VIP: variants seen among roughly 807,000 people sequenced by gnomAD.
VIP encodes vasoactive intestinal peptide.
VIP carries 18 observed loss-of-function variants against 20.1 expected under a neutral mutation model. That is an observed-to-expected ratio of 0.90 (90% CI 0.62 to 1.33). VIP has a LOEUF of 1.33. Among genes scored for constraint, VIP ranks in the 40% most tolerant of loss-of-function variants. The pLI is 0.00. For synonymous variants in VIP, 70 were observed against 68.1 expected, an observed-to-expected ratio of 1.03 and a Z score of -0.14; for missense variants, 209 against 199.4, an observed-to-expected ratio of 1.05 and a Z score of -0.29.
At chr6:152,753,451 C>A (rs1390445768) in intron 2 of VIP, among the ~76,000 whole-genome samples, 2 of 151,998 alleles carry the variant, frequency 1.3e-5, no homozygotes, top group Admixed American at 1.3e-4. Context: ...AGTCATATTC[C>A]ATATATGCAT....
chr6:152,756,354 T>C lies in VIP; in HGVS notation c.467+89T>C, dbSNP rs576769207. The C allele has an allele frequency of 5.1e-5, 73 of 1,427,276 alleles. No homozygotes were observed. In the East Asian group the frequency reaches 1.6e-3, roughly 32 times the overall value. The allele number at this position is 1,427,276 out of a possible 1,614,324, so 88.4% of individuals were successfully genotyped here. On this transcript the variant is annotated intron_variant, in intron 5 of 6. Transcript: ENST00000367244. ...CATGGAGACCTCTCTATCTCACTTA[T>C]CTAGCTATACTACGTGAAGCAGTGA...
chr6:152,755,341 G>A lies in VIP; in HGVS notation c.303G>A (p.Lys101=), dbSNP rs1157905918. 6.3e-7 allele frequency: 1 copy of A among 1,592,934 alleles called. No individual in the cohort carries two copies. The highest frequency in any genetic ancestry group is 1.3e-5 in the African/African-American group (1 of 74,268). ...SKLLGQLSAK[K]YLESLMGKRV... is the part of the protein sequence containing the mutation. Reference sequence around the variant, plus strand: ...TCTTGGGTCAACTTTCTGCCAAAAAGTACCTTGAGTCTCTTATGGGAAAAC... The same window carrying A: ...TCTTGGGTCAACTTTCTGCCAAAAAATACCTTGAGTCTCTTATGGGAAAAC... The change falls in exon 4 of 7, where the codon AAG becomes AAA. Residue 101 remains lysine (K), a synonymous_variant. Coordinates refer to ENST00000367244, the MANE Select transcript of VIP (RefSeq NM_003381.4).
chr6:152,752,736 G>A (rs927911160), intron 2 of VIP, among the ~76,000 whole-genome samples: 6 of 152,028 alleles, frequency 3.9e-5, no homozygotes, highest in African/African-American at 1.4e-4. Flanking sequence ...ATAAAATCAT[G>A]TTGCACAGAA....
rs370854727 is a variant in VIP at position 152,752,221 on chromosome 6, T to C, written c.44T>C (p.Leu15Pro). 6.2e-7 allele frequency: 1 copy of C among 1,613,588 alleles called. No individual in the cohort carries two copies. The highest frequency in any genetic ancestry group is 1.3e-5 in the African/African-American group (1 of 75,024). Residue 15 changes from leucine to proline, a missense_variant, in exon 2 of 7, where the codon CTT becomes CCT. By Grantham distance (98) the Leu-to-Pro change is moderately conservative (BLOSUM62 -3). Transcript: ENST00000367244. ...NKAQLLVLLTLLSVLFSQTSA... is the reference protein window; with the variant it reads ...NKAQLLVLLTPLSVLFSQTSA... ...GCCCAGCTCCTTGTGCTCCTGACTC[T>C]TCTCAGTGTGCTCTTCTCACAGACT...
At chr6:152,750,995 C>T (rs1190836053) in intron 1 of VIP, 36 bp downstream of exon 1, 19 of 152,146 alleles carry the variant, frequency 1.2e-4, no homozygotes, top group Admixed American at 1.2e-3. Context: ...TTCTTTTTCC[C>T]TCCTGCCTCT....
Position 152,758,312 on chromosome 6 carries a change from T to C in VIP, c.*44-598T>C, listed in dbSNP as rs538410355. ...GGTGTCTGGGAAGATACCTGCTTAATTGACTGCTTTTGTCCACTAATTACC... is the reference window on the plus strand; with the variant it reads ...GGTGTCTGGGAAGATACCTGCTTAACTGACTGCTTTTGTCCACTAATTACC... On this transcript the variant is annotated intron_variant, in intron 6 of 6. Coordinates refer to ENST00000367244, the MANE Select transcript of VIP (RefSeq NM_003381.4). Among the ~76,000 whole-genome samples the C allele has an allele frequency of 9.1e-4, 138 of 152,090 alleles. 3 individuals carry two copies. In the South Asian group the frequency reaches 0.027, roughly 30 times the overall value.
At chr6:152,754,993 T>C (rs577642439) in intron 3 of VIP, among the ~76,000 whole-genome samples, 3 of 152,110 alleles carry the variant, frequency 2.0e-5, no homozygotes, top group Non-Finnish European at 2.9e-5. Flanking sequence ...GAAATAGTTA[T>C]AAAGATTCAA....
In VIP at chr6:152,755,042, G is replaced by C. The variant is rs370571348; in HGVS notation, c.231-227G>C. 2.5e-4 allele frequency among the ~76,000 whole-genome samples: 38 copies of C among 151,938 alleles called. No homozygotes were observed. The South Asian group carries it at 6.6e-3, about 27-fold the overall frequency. ...TTGAAATGTGCTCCTAGAAATGCCT[G>C]TTTCTTTAATTTTTCAGTGTCTTGG... On this transcript the variant is annotated intron_variant, in intron 3 of 6. Coordinates refer to ENST00000367244, the MANE Select transcript of VIP (RefSeq NM_003381.4).
Position 152,755,277 on chromosome 6 carries a change from G to A in VIP, c.239G>A (p.Arg80Lys), listed in dbSNP as rs1432202955. Residue 80 changes from arginine (R) to lysine (K), a missense_variant, in exon 4 of 7, where the codon AGG becomes AAG. By Grantham distance (26) the Arg-to-Lys change is conservative. Coordinates refer to ENST00000367244, the MANE Select transcript of VIP (RefSeq NM_003381.4). ...TPYYDVSRNARHADGVFTSDF... is the reference protein window; with the variant it reads ...TPYYDVSRNAKHADGVFTSDF... ...TTTCTTCCTTGTTTTAGAAATGCCAGGCATGCTGATGGAGTTTTCACCAGT... is the reference window on the plus strand; with the variant it reads ...TTTCTTCCTTGTTTTAGAAATGCCAAGCATGCTGATGGAGTTTTCACCAGT... The A allele has an allele frequency of 3.8e-6, 6 of 1,566,778 alleles. No homozygotes were observed. The highest frequency in any genetic ancestry group is 5.2e-6 in the Non-Finnish European group (6 of 1,158,716).
Position 152,751,313 on chromosome 6 carries a change from C to CTT in VIP, c.-11+362_-11+363dup, listed in dbSNP as rs962804921. Among the ~76,000 whole-genome samples the CTT allele has an allele frequency of 2.2e-4, 33 of 150,830 alleles. No homozygotes were observed. In the Middle Eastern group the frequency reaches 0.01, roughly 47 times the overall value. ...AAATTTTCAACTTATTTTTAAAGTG[C>CTT]TTTTTTTTTCCTATTTCGTATGTTG... On this transcript the variant is annotated intron_variant, in intron 1 of 6. Coordinates refer to ENST00000367244, the MANE Select transcript of VIP (RefSeq NM_003381.4).
intron 3 of VIP, among the ~76,000 whole-genome samples, chr6:152,754,575 G>A (rs540739225): frequency 6.6e-6 from 1 of 152,050 alleles, no homozygotes; most frequent in South Asian, 2.1e-4. Flanking sequence ...TAAAAGTACA[G>A]CATTTAGCAT....
intron 3 of VIP, 53 bp from the exon 4 acceptor site, chr6:152,755,216 A>G (rs2099730242): frequency 8.2e-7 from 1 of 1,214,782 alleles, no homozygotes; most frequent in Admixed American, 2.3e-5. Flanking sequence ...CCATAATAAT[A>G]TTCTAGAAAG....
rs745570874 is a variant in VIP, at chr6:152,755,345, C to T, written c.307C>T (p.Leu103Phe). The T allele has an allele frequency of 1.3e-6, 2 of 1,589,484 alleles. No homozygotes were observed. The highest frequency in any genetic ancestry group is 1.2e-5 in the South Asian group (1 of 85,948). The change falls in exon 4 of 7, where the codon CTT (leucine) becomes TTT (phenylalanine). Residue 103 changes from leucine (L) to phenylalanine (F), a missense_variant. By Grantham distance (22) the Leu-to-Phe change is conservative (BLOSUM62 0). Coordinates refer to ENST00000367244, the MANE Select transcript of VIP (RefSeq NM_003381.4). ...LLGQLSAKKY[L>F]ESLMGKRVSS... ...GGGTCAACTTTCTGCCAAAAAGTACCTTGAGTCTCTTATGGGAAAACGTGT... is the reference window on the plus strand; with the variant it reads ...GGGTCAACTTTCTGCCAAAAAGTACTTTGAGTCTCTTATGGGAAAACGTGT...
At position 152,757,192 on chromosome 6, in the gene VIP, T is replaced by C; in HGVS notation, c.*43+8T>C. On this transcript the variant is annotated splice_region_variant and intron_variant, in intron 6 of 6. Transcript: ENST00000367244. The stretch of plus-strand genomic sequence containing the variant: ...GATGACAACTTCCCAGTGGTGGGTA[T>C]ATTCGTGCATTCCTTCTGTATTCTT... The C allele has an allele frequency of 6.4e-7, 1 of 1,553,476 alleles. No homozygotes were observed. Among genetic ancestry groups the C allele is most frequent in the Non-Finnish European group, 8.9e-7 (1 of 1,128,826 alleles).
rs576269209 is a variant in VIP, at chr6:152,754,914, AC to A, written c.231-354del. ...AATGTCTTTATTCAGTGGGGCAGAC[AC>A]AAAGCACCATGTACAAATAGCAGCT... is the stretch of plus-strand genomic sequence containing the variant. On this transcript the variant is annotated intron_variant, in intron 3 of 6. Coordinates refer to ENST00000367244, the MANE Select transcript of VIP (RefSeq NM_003381.4). 2.8e-4 allele frequency among the ~76,000 whole-genome samples: 43 copies of A among 152,138 alleles called. 2 individuals are homozygous for A. The South Asian group carries it at 5.6e-3, about 20-fold the overall frequency.
rs1199361959 is a variant in VIP at position 152,750,873 on chromosome 6, C to G, written c.-97C>G. 6.6e-6 allele frequency: 1 copy of G among 152,228 alleles called. No individual in the cohort carries two copies. Among genetic ancestry groups the G allele is most frequent in the East Asian group, 1.9e-4 (1 of 5,182 alleles). 9.4% of individuals were successfully genotyped at this position (152,228 alleles called of 1,614,324 possible). A position where few individuals can be genotyped will look rare whatever the true frequency, so the allele number is the denominator to read the frequency against. On this transcript the variant is annotated 5_prime_UTR_variant, in exon 1 of 7. Coordinates refer to ENST00000367244, the MANE Select transcript of VIP (RefSeq NM_003381.4). ...GCTAAGGGCAGAGAACTGGTGGAGC[C>G]TTTCTCTTACTCCCAGGACTTCAGC...
intron 2 of VIP, among the ~76,000 whole-genome samples, chr6:152,752,831 G>A (rs1250288469): frequency 1.3e-5 from 2 of 151,920 alleles, no homozygotes; most frequent in African/African-American, 2.4e-5. Context: ...GGAAAATTTT[G>A]ATATACTTTG....
At position 152,754,177 on chromosome 6, in the gene VIP, G is replaced by A. The variant is rs759329100; in HGVS notation, c.119G>A (p.Arg40Lys). 8.1e-6 allele frequency: 13 copies of A among 1,610,042 alleles called. No homozygotes were observed. The highest frequency in any genetic ancestry group is 1.0e-5 in the Non-Finnish European group (12 of 1,178,064). Reference protein sequence around the residue: ...RAPSALRLGDRIPFEGANEPD... With the variant: ...RAPSALRLGDKIPFEGANEPD... ...ACTTTCCCCATCAGGTTGGGTGACA[G>A]AATACCCTTTGAGGGAGCAAATGAA... The change falls in exon 3 of 7, where the codon AGA (arginine) becomes AAA (lysine). Residue 40 changes from arginine (R) to lysine (K), a missense_variant. By Grantham distance (26) the Arg-to-Lys change is conservative (BLOSUM62 2). Coordinates refer to ENST00000367244, the MANE Select transcript of VIP (RefSeq NM_003381.4).
At position 152,751,772 on chromosome 6, in the gene VIP, T is replaced by A. The variant is rs958916422; in HGVS notation, c.-10-396T>A. Among the ~76,000 whole-genome samples the A allele has an allele frequency of 2.6e-5, 4 of 152,158 alleles. No homozygotes were observed. In the East Asian group the frequency reaches 7.7e-4, roughly 29 times the overall value. ...AGATGATACTCTAGTCTTATATTAG[T>A]CAGATACTGAAATTTTAAAGCAGAA... is the stretch of plus-strand genomic sequence containing the variant. On this transcript the variant is annotated intron_variant, in intron 1 of 6. Coordinates refer to ENST00000367244, the MANE Select transcript of VIP (RefSeq NM_003381.4).
Sources: gnomAD v4.1 joint callset for allele counts (sites outside exome capture counted in the v4.1 genomes callset) on GRCh38, gnomAD v4.1.1 for gene constraint, MANE v1.5 for transcripts, NCBI Gene and HGNC (gene_info 2026-07-23, HGNC 2026-07-21) for gene names.